The following NT5C2 variants were observed in gnomAD, a reference collection of about 807,000 sequenced individuals.
NT5C2 encodes 5'-nucleotidase, cytosolic II, also known as cytosolic purine 5'-nucleotidase.
In NT5C2, 58 loss-of-function variants were observed where a neutral mutation model predicts 76.1. The ratio of observed to expected loss-of-function variants is 0.76; its 90% confidence interval spans 0.62 to 0.95. The LOEUF is 0.95. Ranked by LOEUF, NT5C2 falls within the 40% of genes least tolerant of loss-of-function variation. The pLI is 0.00. For missense variants in NT5C2, 478 were observed against 690.3 expected, an observed-to-expected ratio of 0.69 and a Z score of 3.45; for synonymous variants, 229 against 237.4, an observed-to-expected ratio of 0.96 and a Z score of 0.32.
At chr10:103,169,426 G>A (rs931959135) in intron 3 of NT5C2, 1 of 152,072 alleles carries the variant, frequency 6.6e-6, no homozygotes, top group Non-Finnish European at 1.5e-5. Flanking sequence ...AGATCAACCT[G>A]GGTAACACAG....
chr10:103,167,001 C>G (rs886888943), intron 3 of NT5C2, among the ~76,000 whole-genome samples: 3 of 150,922 alleles, frequency 2.0e-5, no homozygotes, highest in African/African-American at 7.3e-5. Flanking sequence ...AAGATATATC[C>G]CATATATATA....
chr10:103,141,032 T>C (rs1017928571), intron 3 of NT5C2, among the ~76,000 whole-genome samples: 4 of 152,234 alleles, frequency 2.6e-5, no homozygotes, highest in African/African-American at 7.2e-5. Context: ...GTCCCACTTG[T>C]TTTTGCTTTT....
At chr10:103,112,579 G>A (rs1373664160) in intron 4 of NT5C2, among the ~76,000 whole-genome samples, 1 of 152,142 alleles carries the variant, frequency 6.6e-6, no homozygotes, top group Admixed American at 6.6e-5. Context: ...TTTATAGGGA[G>A]TCATTTTCCC....
intron 4 of NT5C2, among the ~76,000 whole-genome samples, chr10:103,107,127 A>G (rs1185504464): frequency 1.3e-5 from 2 of 152,236 alleles, no homozygotes; most frequent in Admixed American, 6.5e-5. Flanking sequence ...GGTGTTGTGC[A>G]TAATTGTTGC....
intron 2 of NT5C2, among the ~76,000 whole-genome samples, chr10:103,180,302 G>T (rs2090829121): frequency 2.0e-5 from 3 of 152,062 alleles, no homozygotes; most frequent in African/African-American, 7.2e-5. Context: ...CTGCTGGAAA[G>T]AAAATAAAAA....
intron 1 of NT5C2, among the ~76,000 whole-genome samples, chr10:103,188,280 C>T (rs1342970680): frequency 6.6e-6 from 1 of 152,096 alleles, no homozygotes. Flanking sequence ...ATCACTTGAA[C>T]CCAGGAGGTG....
At chr10:103,150,173 A>T (rs2082160487) in intron 3 of NT5C2, among the ~76,000 whole-genome samples, 1 of 152,212 alleles carries the variant, frequency 6.6e-6, no homozygotes. Context: ...CAAGATGTAG[A>T]ATATTTTCTT....
intron 3 of NT5C2, among the ~76,000 whole-genome samples, chr10:103,155,717 A>G (rs1565209868): frequency 6.6e-6 from 1 of 152,182 alleles, no homozygotes; most frequent in Non-Finnish European, 1.5e-5. Context: ...GATACAGTTG[A>G]CAGAACACAG....
chr10:103,106,438 G>A, intron 5 of NT5C2, 151 bp downstream of exon 5: 1 of 630,700 alleles, frequency 1.6e-6, no homozygotes, highest in Non-Finnish European at 2.8e-6. Context: ...GGTAATTTTA[G>A]AATCAACATC....
In NT5C2 at chr10:103,141,088, A is replaced by T. The variant is rs142961852; in HGVS notation, c.102-1609T>A. On this transcript the variant is annotated intron_variant, in intron 3 of 18. Transcript: ENST00000404739. The stretch of plus-strand genomic sequence containing the variant: ...CCTATCCAAAAAAATCACTGCCGAG[A>T]CCAAGGTCAAGAAGCTTTTCCTTTG... Among the ~76,000 whole-genome samples the T allele has an allele frequency of 4.9e-3, 752 of 152,322 alleles. 13 individuals are homozygous for T. The highest frequency in any genetic ancestry group is 7.3e-3 in the East Asian group (38 of 5,186).
intron 4 of NT5C2, among the ~76,000 whole-genome samples, chr10:103,120,025 G>C (rs1370733506): frequency 4.6e-5 from 7 of 152,030 alleles, no homozygotes; most frequent in African/African-American, 1.7e-4. Context: ...CTTGAGCCTG[G>C]GAGGCAGAGG....
chr10:103,162,963 TACTA>T (rs978721692), intron 3 of NT5C2, among the ~76,000 whole-genome samples: 5 of 152,172 alleles, frequency 3.3e-5, no homozygotes, highest in African/African-American at 7.2e-5. Context: ...TTTCCTTCTC[TACTA>T]ACTCTTAGAA....
chr10:103,173,935 A>G (rs1380243651), intron 3 of NT5C2, among the ~76,000 whole-genome samples: 1 of 151,772 alleles, frequency 6.6e-6, no homozygotes, highest in Non-Finnish European at 1.5e-5. Context: ...GTCTCTACTA[A>G]AAATACAAAA....
At chr10:103,153,378 A>G (rs1031281088) in intron 3 of NT5C2, 95 of 1,215,548 alleles carry the variant, frequency 7.8e-5, no homozygotes, top group Non-Finnish European at 9.4e-5. Flanking sequence ...TGAGAACTGT[A>G]GCTCATTTGT....
chr10:103,192,670 G>A (rs370470469), intron 1 of NT5C2, among the ~76,000 whole-genome samples: 14 of 152,282 alleles, frequency 9.2e-5, no homozygotes, highest in African/African-American at 3.4e-4. Context: ...CGTTTCTCGC[G>A]GTCCTGCTAA....
At chr10:103,100,669 T>C in intron 8 of NT5C2, 1 of 478,014 alleles carries the variant, frequency 2.1e-6, no homozygotes, top group Non-Finnish European at 4.1e-6. Context: ...TTACCATCCC[T>C]GAATGGCTCC....
intron 4 of NT5C2, among the ~76,000 whole-genome samples, chr10:103,125,921 A>C (rs1480074429): frequency 6.6e-6 from 1 of 152,192 alleles, no homozygotes; most frequent in Non-Finnish European, 1.5e-5. Flanking sequence ...TTGATTAAAA[A>C]CAACTTTCTT....
In NT5C2 at chr10:103,126,458, C is replaced by CA. The variant is rs1329759612; in HGVS notation, c.175+12947dup. On this transcript the variant is annotated intron_variant, in intron 4 of 18. Coordinates refer to ENST00000404739, the MANE Select transcript of NT5C2 (RefSeq NM_001351169.2). ...TCAATATGGTGAAACCCTATCTCTA[C>CA]AAAAAATACAAAAATTAACAGGGCG... Among the ~76,000 whole-genome samples the CA allele has an allele frequency of 8.6e-5, 13 of 152,022 alleles. No individual in the cohort carries two copies. In the South Asian group the frequency reaches 1.5e-3, roughly 17 times the overall value.
intron 4 of NT5C2, among the ~76,000 whole-genome samples, chr10:103,121,891 C>T (rs1484575661): frequency 2.0e-5 from 3 of 152,216 alleles, no homozygotes; most frequent in Non-Finnish European, 2.9e-5. Flanking sequence ...TTAGAATTCT[C>T]GGCCAGGCAC....
Sources: gnomAD v4.1 joint callset for allele counts (sites outside exome capture counted in the v4.1 genomes callset) on GRCh38, gnomAD v4.1.1 for gene constraint, MANE v1.5 for transcripts, NCBI Gene and HGNC (gene_info 2026-07-23, HGNC 2026-07-21) for gene names.